The following HMGCLL1 variants were observed in gnomAD, a reference collection of about 807,000 sequenced individuals.
The protein encoded by HMGCLL1 is 3-hydroxymethyl-3-methylglutaryl-CoA lyase, cytoplasmic.
HMGCLL1 carries 36 observed loss-of-function variants against 39.1 expected under a neutral mutation model. The ratio of observed to expected loss-of-function variants is 0.92; its 90% CI spans 0.71 to 1.22. The LOEUF (loss-of-function observed/expected upper bound fraction) is 1.22, where lower values mean the gene tolerates loss of function less well. Among genes scored for constraint, HMGCLL1 ranks in the 50% most tolerant of loss-of-function variants. The pLI is 0.00. For missense variants in HMGCLL1, 451 were observed against 416.5 expected (o/e 1.08, Z -0.72); for synonymous variants, 149 against 144.0 (o/e 1.03, Z -0.25).
chr6:55,560,359 C>T lies in HMGCLL1; in HGVS notation c.109-18219G>A, dbSNP rs115676451. 4.7e-3 allele frequency among the ~76,000 whole-genome samples: 711 copies of T among 152,276 alleles called. 4 individuals carry two copies. The highest frequency in any genetic ancestry group is 7.2e-3 in the Non-Finnish European group (490 of 68,010). ...GGCTCTGAATAACTAAACATCATCA[C>T]TGTCCTTTACTATTCCAGAAAAATG... On this transcript the variant is annotated intron_variant, in intron 1 of 8. Coordinates refer to ENST00000274901, the MANE Select transcript of HMGCLL1 (RefSeq NM_001042406.2).
chr6:55,494,900 T>A (rs1168356298), intron 7 of HMGCLL1, among the ~76,000 whole-genome samples: 1 of 152,224 alleles, frequency 6.6e-6, no homozygotes, highest in Non-Finnish European at 1.5e-5. Context: ...TATCATATAA[T>A]GGAATATAGT....
At chr6:55,597,557 G>T in the HMGCLL1 span, among the ~76,000 whole-genome samples, 1 of 151,746 alleles carries the variant, frequency 6.6e-6, no homozygotes, top group Non-Finnish European at 1.5e-5. Context: ...TAAGAGCTTG[G>T]TGCTCATGAC....
At chr6:55,496,615 T>C (rs78021476) in intron 6 of HMGCLL1, among the ~76,000 whole-genome samples, 103 of 152,312 alleles carry the variant, frequency 6.8e-4, no homozygotes, top group African/African-American at 2.4e-3. Context: ...TTTTTCATTA[T>C]ATTTAGTGAA....
the HMGCLL1 span, among the ~76,000 whole-genome samples, chr6:55,661,288 C>G: frequency 6.6e-6 from 1 of 151,802 alleles, no homozygotes; most frequent in Non-Finnish European, 1.5e-5. Context: ...GAAATTGTTG[C>G]CAGTTCCTAT....
At chr6:55,567,277 T>C (rs1359147922) in intron 1 of HMGCLL1, among the ~76,000 whole-genome samples, 1 of 141,552 alleles carries the variant, frequency 7.1e-6, no homozygotes, top group African/African-American at 2.5e-5. Context: ...TCATCAAATT[T>C]GAAAAAAAAT....
the HMGCLL1 span, among the ~76,000 whole-genome samples, chr6:55,605,376 G>T: frequency 6.6e-6 from 1 of 151,832 alleles, no homozygotes; most frequent in Non-Finnish European, 1.5e-5. Flanking sequence ...ACATTAAACT[G>T]CATCACAGTA....
chr6:55,530,343 T>A (rs930007522), intron 3 of HMGCLL1, among the ~76,000 whole-genome samples: 3 of 151,906 alleles, frequency 2.0e-5, no homozygotes, highest in Non-Finnish European at 4.4e-5. Flanking sequence ...AATTTAAATT[T>A]GTCCAAGACA....
chr6:55,440,445 G>C (rs901187837), intron 7 of HMGCLL1, among the ~76,000 whole-genome samples: 1 of 152,088 alleles, frequency 6.6e-6, no homozygotes, highest in Non-Finnish European at 1.5e-5. Context: ...GGGGATATCA[G>C]AGGTGGAAGA....
the HMGCLL1 span, among the ~76,000 whole-genome samples, chr6:55,603,716 T>A: frequency 6.6e-6 from 1 of 152,120 alleles, no homozygotes; most frequent in African/African-American, 2.4e-5. Flanking sequence ...AGTCTGAAAA[T>A]TATTAAGACA....
At chr6:55,536,477 TAAAAG>T (rs1462041188) in intron 3 of HMGCLL1, among the ~76,000 whole-genome samples, 1 of 152,226 alleles carries the variant, frequency 6.6e-6, no homozygotes, top group Non-Finnish European at 1.5e-5. Flanking sequence ...GTTCACTTTT[TAAAAG>T]ATTATTGTAT....
intron 5 of HMGCLL1, among the ~76,000 whole-genome samples, chr6:55,506,983 T>C: frequency 6.6e-6 from 1 of 151,766 alleles, no homozygotes; most frequent in Admixed American, 6.6e-5. Context: ...AGCCACAGCA[T>C]GTGATAAGCT....
the HMGCLL1 span, among the ~76,000 whole-genome samples, chr6:55,636,770 G>A: frequency 6.6e-6 from 1 of 152,024 alleles, no homozygotes; most frequent in Admixed American, 6.6e-5. Context: ...AAAAAGTTTA[G>A]GGTCAAAGTG....
At chr6:55,521,928 G>A (rs752479823) in intron 3 of HMGCLL1, among the ~76,000 whole-genome samples, 1 of 152,004 alleles carries the variant, frequency 6.6e-6, no homozygotes, top group Non-Finnish European at 1.5e-5. Context: ...AGTTAGAAAA[G>A]TTTTAAATGC....
chr6:55,481,219 A>G (rs1765727564), intron 7 of HMGCLL1, among the ~76,000 whole-genome samples: 1 of 152,016 alleles, frequency 6.6e-6, no homozygotes, highest in Non-Finnish European at 1.5e-5. Flanking sequence ...GTCTCTAAAA[A>G]AATACAAAAA....
chr6:55,462,283 A>C (rs754417682), intron 7 of HMGCLL1, among the ~76,000 whole-genome samples: 1 of 152,000 alleles, frequency 6.6e-6, no homozygotes, highest in Non-Finnish European at 1.5e-5. Context: ...CTTTCTTAAA[A>C]TTCTCATCTT....
chr6:55,472,876 T>C (rs550166817), intron 7 of HMGCLL1, among the ~76,000 whole-genome samples: 2 of 151,540 alleles, frequency 1.3e-5, no homozygotes, highest in African/African-American at 2.4e-5. Context: ...TAATAGTGAA[T>C]CTGCCTATTT....
At chr6:55,438,785 G>C (rs531893367) in intron 8 of HMGCLL1, among the ~76,000 whole-genome samples, 17 of 152,180 alleles carry the variant, frequency 1.1e-4, no homozygotes, top group African/African-American at 2.9e-4. Flanking sequence ...AATTCTAAAT[G>C]TCTAATCATC....
chr6:55,555,421 A>G (rs936575541), intron 1 of HMGCLL1, among the ~76,000 whole-genome samples: 1 of 152,168 alleles, frequency 6.6e-6, no homozygotes, highest in Non-Finnish European at 1.5e-5. Context: ...TGCTTCTAGC[A>G]CTCATCATCA....
At chr6:55,638,564 CA>C in the HMGCLL1 span, among the ~76,000 whole-genome samples, 1 of 151,838 alleles carries the variant, frequency 6.6e-6, no homozygotes, top group African/African-American at 2.4e-5. Flanking sequence ...AAAAACAAAA[CA>C]AAAAATACTT....
Sources: allele counts gnomAD v4.1 joint callset (sites outside exome capture counted in the v4.1 genomes callset), GRCh38; gene constraint gnomAD v4.1.1; transcripts MANE v1.5; gene names NCBI Gene and HGNC (gene_info 2026-07-23, HGNC 2026-07-21).